Variants in GPR107 observed in about 807,000 individuals in gnomAD.
GPR107 encodes protein GPR107.
In GPR107, 31 loss-of-function variants were observed where a neutral mutation model predicts 75.5. The observed-to-expected ratio is 0.41, with a 90% CI of 0.31 to 0.55. GPR107 has a LOEUF of 0.55. GPR107 is among the 20% of genes least tolerant of loss of function. The pLI is 0.26. For synonymous variants in GPR107, 267 were observed against 251.3 expected (o/e 1.06, Z -0.59); for missense variants, 572 against 665.7 (o/e 0.86, Z 1.55).
In GPR107 at chr9:130,135,699, C is replaced by A. The variant is rs937075530; in HGVS notation, c.*578C>A. 6.5e-6 allele frequency: 1 copy of A among 152,780 alleles called. No homozygotes were observed. The highest frequency in any genetic ancestry group is 1.5e-5 in the Non-Finnish European group (1 of 68,524). The allele number at this position is 152,780 out of a possible 1,614,324, so 9.5% of individuals were successfully genotyped here. On this transcript the variant is annotated 3_prime_UTR_variant, in exon 18 of 18. Coordinates refer to ENST00000347136, the MANE Select transcript of GPR107 (RefSeq NM_020960.5). Reference sequence around the variant, plus strand: ...CCAGGATTCCTGCCCTCGGCTTTGCCCCAGACCCTTATTCCAGATGCTGAG... The same window carrying A: ...CCAGGATTCCTGCCCTCGGCTTTGCACCAGACCCTTATTCCAGATGCTGAG...
chr9:130,081,548 C>G (rs111271851), intron 5 of GPR107, among the ~76,000 whole-genome samples: 1 of 151,978 alleles, frequency 6.6e-6, no homozygotes, highest in Non-Finnish European at 1.5e-5. Context: ...TGGCACGTGC[C>G]TGTGATCTCA....
intron 14 of GPR107, among the ~76,000 whole-genome samples, chr9:130,121,562 G>A (rs975314606): frequency 1.3e-5 from 2 of 152,138 alleles, no homozygotes; most frequent in East Asian, 1.9e-4. Context: ...CAGTCCAGCC[G>A]CTTTGAGCTA....
chr9:130,121,130 A>G (rs979187349), intron 14 of GPR107, among the ~76,000 whole-genome samples: 1 of 152,076 alleles, frequency 6.6e-6, no homozygotes, highest in African/African-American at 2.4e-5. Flanking sequence ...TCAGTGAACC[A>G]TCATCACACC....
rs782785161 is a variant in GPR107 at position 130,138,776 on chromosome 9, A to C, written c.*3655A>C. The C allele has an allele frequency of 1.3e-5, 2 of 152,012 alleles. 1 individual carries two copies. The highest frequency in any genetic ancestry group is 4.2e-4 in the South Asian group (2 of 4,818). The allele number at this position is 152,012 out of a possible 1,614,324, so 9.4% of individuals were successfully genotyped here. ...ATAGGCTGGTCTTCCTCCACACTAA[A>C]ATGGGTGTCTTGTTTTGGTACTTAA... On this transcript the variant is annotated 3_prime_UTR_variant, in exon 18 of 18. Coordinates refer to ENST00000347136, the MANE Select transcript of GPR107 (RefSeq NM_020960.5).
chr9:130,053,922 C>G lies in GPR107; in HGVS notation c.-11C>G. 6.4e-7 allele frequency: 1 copy of G among 1,557,162 alleles called. No homozygotes were observed. Among genetic ancestry groups the G allele is most frequent in the Non-Finnish European group, 8.7e-7 (1 of 1,152,230 alleles). On this transcript the variant is annotated 5_prime_UTR_variant, in exon 1 of 18. Coordinates refer to ENST00000347136, the MANE Select transcript of GPR107 (RefSeq NM_020960.5). ...GCGGGAGAGGAAGCGGCTGGTGATG[C>G]TGGAACAAACATGGCCGCTCTGGCG...
In GPR107 at chr9:130,086,439, T is replaced by C; in HGVS notation, c.584T>C (p.Phe195Ser). 6.5e-7 allele frequency: 1 copy of C among 1,544,902 alleles called. No homozygotes were observed. The highest frequency in any genetic ancestry group is 9.0e-7 in the Non-Finnish European group (1 of 1,117,216). ...VDSKAMGEKS[F>S]SVHNNGGAVS... ...TTTTAGGCCATGGGAGAGAAATCCTTTTCTGTTCATAATAATGGTGGGGCA... is the reference window on the plus strand; with the variant it reads ...TTTTAGGCCATGGGAGAGAAATCCTCTTCTGTTCATAATAATGGTGGGGCA... Residue 195 changes from phenylalanine to serine, a missense_variant, in exon 7 of 18, where the codon TTT (phenylalanine) becomes TCT (serine). Coordinates refer to ENST00000347136, the MANE Select transcript of GPR107 (RefSeq NM_020960.5).
At chr9:130,072,958 G>T (rs1322427155) in intron 1 of GPR107, among the ~76,000 whole-genome samples, 1 of 152,074 alleles carries the variant, frequency 6.6e-6, no homozygotes, top group Non-Finnish European at 1.5e-5. Context: ...ACAACTCAGC[G>T]CATTTCCAGA....
intron 3 of GPR107, among the ~76,000 whole-genome samples, 161 bp from the exon 4 acceptor site, chr9:130,077,138 G>A (rs970363783): frequency 2.6e-5 from 4 of 151,670 alleles, no homozygotes; most frequent in African/African-American, 9.7e-5. Context: ...CACCCACCTC[G>A]GCCTCCCAAA....
At chr9:130,131,616 G>A (rs965451538) in intron 17 of GPR107, among the ~76,000 whole-genome samples, 3 of 150,914 alleles carry the variant, frequency 2.0e-5, no homozygotes, top group African/African-American at 4.9e-5. Flanking sequence ...CCTGCTCCGC[G>A]TCACCTCAGC....
intron 13 of GPR107, among the ~76,000 whole-genome samples, chr9:130,106,710 T>G (rs1360909899): frequency 6.6e-6 from 1 of 151,984 alleles, no homozygotes; most frequent in African/African-American, 2.4e-5. Context: ...TCGTGTGGTG[T>G]TCCATTCAGT....
intron 6 of GPR107, among the ~76,000 whole-genome samples, chr9:130,085,782 A>C (rs4837456): frequency 0.27 from 11,060 of 40,592 alleles, 683 homozygotes; most frequent in East Asian, 0.53. Context: ...GCCGGGGGGA[A>C]CGCAGTCTTG....
At chr9:130,079,855 A>G (rs780299885) in intron 5 of GPR107, 86 bp downstream of exon 5, 10 of 817,874 alleles carry the variant, frequency 1.2e-5, no homozygotes, top group African/African-American at 3.5e-5. Flanking sequence ...AAAGTAAAAC[A>G]TGATCTGTTG....
At chr9:130,108,839 G>T (rs751293071) in intron 14 of GPR107, 6 of 435,036 alleles carry the variant, frequency 1.4e-5, no homozygotes, top group South Asian at 9.9e-5. Flanking sequence ...CTTTAAGCAG[G>T]TTCTTTTCAG....
At chr9:130,121,898 C>A (rs7032512) in intron 14 of GPR107, among the ~76,000 whole-genome samples, 98,839 of 151,158 alleles carry the variant, frequency 0.65, 32,343 homozygotes, top group East Asian at 0.81. Flanking sequence ...ATTTTATTTT[C>A]TTTTTTTTTT....
chr9:130,096,298 C>G (rs994934780), intron 9 of GPR107, among the ~76,000 whole-genome samples: 5 of 151,850 alleles, frequency 3.3e-5, no homozygotes, highest in Non-Finnish European at 7.4e-5. Context: ...CAGGAAAGTA[C>G]CAGGGAGGAA....
chr9:130,069,102 C>G (rs1265057323), intron 1 of GPR107, among the ~76,000 whole-genome samples: 2 of 152,102 alleles, frequency 1.3e-5, no homozygotes, highest in Non-Finnish European at 2.9e-5. Flanking sequence ...AGATTTGGGA[C>G]TTAATTCTGA....
chr9:130,102,339 C>A (rs562110865), intron 12 of GPR107, among the ~76,000 whole-genome samples: 1 of 152,140 alleles, frequency 6.6e-6, no homozygotes, highest in Non-Finnish European at 1.5e-5. Context: ...GGTTGTCACC[C>A]GGCTGCGTGT....
chr9:130,067,073 A>T lies in GPR107; in HGVS notation c.142-8563A>T, dbSNP rs145306508. 3.1e-3 allele frequency among the ~76,000 whole-genome samples: 464 copies of T among 151,924 alleles called. 4 individuals are homozygous for T. Among genetic ancestry groups the T allele is most frequent in the African/African-American group, 0.01 (430 of 41,422 alleles). ...AGGACAATAGGAAGAGAGCTGGGAG[A>T]ATGTGACACTGAGGGAGATAGTGTT... On this transcript the variant is annotated intron_variant, in intron 1 of 17. Transcript: ENST00000347136.
At chr9:130,064,083 G>T (rs1362582377) in intron 1 of GPR107, among the ~76,000 whole-genome samples, 1 of 151,524 alleles carries the variant, frequency 6.6e-6, no homozygotes, top group Non-Finnish European at 1.5e-5. Flanking sequence ...AAAGTGCTGG[G>T]ATTACAAGTG....
Sources: allele counts gnomAD v4.1 joint callset (sites outside exome capture counted in the v4.1 genomes callset), GRCh38; gene constraint gnomAD v4.1.1; transcripts MANE v1.5; gene names NCBI Gene and HGNC (gene_info 2026-07-23, HGNC 2026-07-21).